Variants in CDH18 observed in about 807,000 individuals in gnomAD.
CDH18 encodes cadherin 18.
In CDH18, 31 loss-of-function variants were observed where a neutral mutation model predicts 67.9. The observed-to-expected ratio is 0.46, with a 90% confidence interval of 0.34 to 0.62. The LOEUF is 0.62. CDH18 is among the 20% of genes least tolerant of loss of function. CDH18 has a pLI of 0.01. For missense variants in CDH18, 890 were observed against 975.5 expected, an observed-to-expected ratio of 0.91 and a Z score of 1.17; for synonymous variants, 362 against 347.2, an observed-to-expected ratio of 1.04 and a Z score of -0.48.
At chr5:19,997,425 G>T (rs565633579) in intron 2 of CDH18, among the ~76,000 whole-genome samples, 1 of 152,046 alleles carries the variant, frequency 6.6e-6, no homozygotes, top group Non-Finnish European at 1.5e-5. Flanking sequence ...TTTCTGAGAA[G>T]ATGAATAAAA....
At position 20,256,972 on chromosome 5, in the gene CDH18, ATATC is replaced by A. The variant is rs1171298842; in HGVS notation, c.-579-1471_-579-1468del. Among the ~76,000 whole-genome samples, 10 of 141,312 alleles carry A rather than the reference ATATC, an allele frequency of 7.1e-5. No homozygotes were observed. The East Asian group carries it at 2.1e-3, about 30-fold the overall frequency. The allele number at this position is 141,312 out of a possible 152,430, so 92.7% of individuals were successfully genotyped here. A position where few individuals can be genotyped will look rare whatever the true frequency, so the allele number is the denominator to read the frequency against. On this transcript the variant is annotated intron_variant, in intron 1 of 14. Coordinates refer to the CDH18 transcript ENST00000507958. ...ATCTATCTATCTATCTAATCTATCT[ATATC>A]TATATCTATATCTATCTATCTATCT...
At chr5:19,687,783 T>C (rs1761315871) in intron 5 of CDH18, among the ~76,000 whole-genome samples, 1 of 152,116 alleles carries the variant, frequency 6.6e-6, no homozygotes, top group African/African-American at 2.4e-5. Context: ...GACCCAATCC[T>C]CCAGAAGCAA....
chr5:20,502,675 G>A (rs536559787), intron 1 of CDH18, among the ~76,000 whole-genome samples: 4 of 152,236 alleles, frequency 2.6e-5, no homozygotes, highest in Admixed American at 2.0e-4. Flanking sequence ...ATATGATCAT[G>A]ACATTGATCT....
At chr5:19,614,478 C>T (rs963150982) in intron 5 of CDH18, among the ~76,000 whole-genome samples, 2 of 151,790 alleles carry the variant, frequency 1.3e-5, no homozygotes, top group Non-Finnish European at 2.9e-5. Context: ...ACGATAATTA[C>T]ATTAGTAGGA....
chr5:20,547,088 T>G (rs1757383993), intron 1 of CDH18, among the ~76,000 whole-genome samples: 1 of 151,862 alleles, frequency 6.6e-6, no homozygotes, highest in African/African-American at 2.4e-5. Context: ...TTACCAAAGG[T>G]GAAAAAAATC....
At chr5:19,904,578 A>T (rs1355276764) in intron 2 of CDH18, among the ~76,000 whole-genome samples, 1 of 152,192 alleles carries the variant, frequency 6.6e-6, no homozygotes, top group East Asian at 1.9e-4. Flanking sequence ...TCTTGGGTAA[A>T]GTGAAAGATC....
intron 2 of CDH18, among the ~76,000 whole-genome samples, chr5:20,126,135 A>C (rs954187709): frequency 3.3e-5 from 5 of 152,176 alleles, no homozygotes; most frequent in African/African-American, 1.2e-4. Flanking sequence ...GATGGAACAG[A>C]ATAAGGAGCG....
At chr5:20,222,346 T>C (rs1289344786) in intron 2 of CDH18, among the ~76,000 whole-genome samples, 1 of 152,204 alleles carries the variant, frequency 6.6e-6, no homozygotes, top group Non-Finnish European at 1.5e-5. Context: ...ATGGTATCTC[T>C]GTACTATAGG....
At chr5:20,383,664 C>T (rs974328837) in intron 1 of CDH18, among the ~76,000 whole-genome samples, 7 of 152,036 alleles carry the variant, frequency 4.6e-5, no homozygotes, top group Admixed American at 1.3e-4. Context: ...CTTTCATTTG[C>T]TGTTATACCA....
intron 2 of CDH18, among the ~76,000 whole-genome samples, chr5:20,148,211 C>T (rs910742637): frequency 1.2e-4 from 18 of 151,844 alleles, no homozygotes; most frequent in Non-Finnish European, 1.9e-4. Flanking sequence ...CCTGCCTCAG[C>T]CTCCCGAGTA....
intron 2 of CDH18, among the ~76,000 whole-genome samples, chr5:19,864,395 G>T (rs1581698869): frequency 8.3e-6 from 1 of 120,812 alleles, no homozygotes. Context: ...GGGGGAGGGG[G>T]GAGGGATAGC....
chr5:20,306,986 T>C (rs1736520506), intron 1 of CDH18, among the ~76,000 whole-genome samples: 1 of 152,088 alleles, frequency 6.6e-6, no homozygotes. Context: ...ATAGAAATTC[T>C]ACTCAATATA....
chr5:19,829,605 A>T lies in CDH18; in HGVS notation c.228+9154T>A, dbSNP rs191696919. ...AAAATGTTCCATGCTCATGGATAGG[A>T]ATACCTAATATTGTTAAAACGGCCA... On this transcript the variant is annotated intron_variant, in intron 3 of 12. Transcript: ENST00000382275. Among the ~76,000 whole-genome samples, 7 of 152,354 alleles carry T rather than the reference A, an allele frequency of 4.6e-5. No homozygotes were observed. In the East Asian group the frequency reaches 9.6e-4, roughly 21 times the overall value.
At chr5:19,998,994 C>T (rs1736230944) in intron 2 of CDH18, among the ~76,000 whole-genome samples, 1 of 151,918 alleles carries the variant, frequency 6.6e-6, no homozygotes. Context: ...AACAAAGCAT[C>T]ATGGAATTCA....
At position 20,330,298 on chromosome 5, in the gene CDH18, T is replaced by C. The variant is rs572731655; in HGVS notation, c.-579-74793A>G. Among the ~76,000 whole-genome samples the C allele has an allele frequency of 1.5e-3, 222 of 152,264 alleles. 1 individual carries two copies. The highest frequency in any genetic ancestry group is 5.0e-3 in the African/African-American group (206 of 41,546). On this transcript the variant is annotated intron_variant, in intron 1 of 14. Coordinates refer to the CDH18 transcript ENST00000507958. ...TATATAATAGGATGATTGAACACTCTATTTGATACAGTAGGTAGCTAGTTA... is the reference window on the plus strand; with the variant it reads ...TATATAATAGGATGATTGAACACTCCATTTGATACAGTAGGTAGCTAGTTA...
chr5:20,007,675 G>GTC (rs1737025701), intron 2 of CDH18, among the ~76,000 whole-genome samples: 1 of 69,510 alleles, frequency 1.4e-5, no homozygotes, highest in Admixed American at 1.2e-4. Flanking sequence ...TGTGGAAAGT[G>GTC]TGTGTGTGTG....
At chr5:20,087,369 T>G (rs1305176752) in intron 2 of CDH18, among the ~76,000 whole-genome samples, 1 of 152,184 alleles carries the variant, frequency 6.6e-6, no homozygotes, top group Non-Finnish European at 1.5e-5. Context: ...TAAACTTAGT[T>G]GCTAAAGCAG....
At chr5:19,495,911 T>C (rs1450064957) in intron 11 of CDH18, among the ~76,000 whole-genome samples, 5 of 152,088 alleles carry the variant, frequency 3.3e-5, no homozygotes. Flanking sequence ...GCTGGGATTC[T>C]AAGCTGGGGA....
intron 5 of CDH18, among the ~76,000 whole-genome samples, chr5:19,617,458 C>T (rs1750023263): frequency 6.6e-6 from 1 of 152,106 alleles, no homozygotes; most frequent in Non-Finnish European, 1.5e-5. Flanking sequence ...CCATTTAGTA[C>T]ATTTTTAAAG....
Sources: allele counts gnomAD v4.1 joint callset (sites outside exome capture counted in the v4.1 genomes callset), GRCh38; gene constraint gnomAD v4.1.1; transcripts MANE v1.5; gene names NCBI Gene and HGNC (gene_info 2026-07-23, HGNC 2026-07-21).